Variants in PCDHA5 observed in about 807,000 individuals in gnomAD.
PCDHA5 encodes protocadherin alpha 5.
A neutral mutation model predicts 61.6 loss-of-function variants in PCDHA5; 43 were observed. The observed-to-expected ratio is 0.70, with a 90% CI of 0.55 to 0.90. The LOEUF is 0.90. PCDHA5 is among the 40% of genes least tolerant of loss of function. PCDHA5 has a pLI of 0.00. For missense variants in PCDHA5, 1,298 were observed against 1,222.7 expected, an observed-to-expected ratio of 1.06 and a Z score of -0.92; for synonymous variants, 627 against 543.9, an observed-to-expected ratio of 1.15 and a Z score of -2.13.
At chr5:140,864,895 G>T (rs1212830646) in intron 1 of PCDHA5, 1 of 152,160 alleles carries the variant, frequency 6.6e-6, no homozygotes, top group African/African-American at 2.4e-5. Context: ...AAGCTGCATG[G>T]TCTTCAGAAT....
chr5:140,875,738 G>T lies in PCDHA5; in HGVS notation c.2352+51611G>T, dbSNP rs1197047985. 12 of 1,614,086 alleles carry T rather than the reference G, an allele frequency of 7.4e-6. No homozygotes were observed. The highest frequency in any genetic ancestry group is 3.3e-5 in the Admixed American group (2 of 60,008). ...AATGGCATTTTGTTTGTGAATTCTC[G>T]GATCGACCGCGAGAAGCTGTGCGGG... On this transcript the variant is annotated intron_variant, in intron 1 of 3. Coordinates refer to ENST00000529859, the MANE Select transcript of PCDHA5 (RefSeq NM_018908.3).
At chr5:140,851,405 GAAAGAAA>G in intron 1 of PCDHA5, 2 of 966,032 alleles carry the variant, frequency 2.1e-6, no homozygotes, top group Non-Finnish European at 2.5e-6. Context: ...ATTTTAATAA[GAAAGAAA>G]CTTCCCCTAA....
Position 140,823,280 on chromosome 5 carries a change from C to T in PCDHA5, c.1505C>T (p.Pro502Leu), listed in dbSNP as rs150026852. ...SLVERRVGER[P>L]LSSYVSVHAE... ...GTGGAGCGGCGGGTGGGCGAGCGCCCGCTGTCGAGTTACGTTTCGGTGCAC... is the reference window on the plus strand; with the variant it reads ...GTGGAGCGGCGGGTGGGCGAGCGCCTGCTGTCGAGTTACGTTTCGGTGCAC... The change falls in exon 1 of 4, where the codon CCG becomes CTG. Residue 502 changes from proline to leucine, a missense_variant. Transcript: ENST00000529859. The T allele has an allele frequency of 6.2e-7, 1 of 1,612,450 alleles. No homozygotes were observed. The highest frequency in any genetic ancestry group is 8.5e-7 in the Non-Finnish European group (1 of 1,179,756).
rs782568001 is a variant in PCDHA5, at chr5:140,876,674, A to G, written c.2352+52547A>G. The G allele has an allele frequency of 5.0e-6, 8 of 1,614,142 alleles. No homozygotes were observed. The South Asian group carries it at 7.7e-5, about 16-fold the overall frequency. On this transcript the variant is annotated intron_variant, in intron 1 of 3. Transcript: ENST00000529859. ...GTTCCCTTCAAGCTGGTGTCCACCTACAAGAATTACTACTCGTTGGTGCTG... is the reference window on the plus strand; with the variant it reads ...GTTCCCTTCAAGCTGGTGTCCACCTGCAAGAATTACTACTCGTTGGTGCTG...
At chr5:140,919,926 T>C (rs1040693581) in intron 1 of PCDHA5, among the ~76,000 whole-genome samples, 18 of 152,088 alleles carry the variant, frequency 1.2e-4, no homozygotes, top group African/African-American at 4.1e-4. Flanking sequence ...AATTTTCAGG[T>C]GGGGGCTAAT....
intron 1 of PCDHA5, chr5:140,829,830 T>G (rs1562311801): frequency 6.2e-7 from 1 of 1,613,772 alleles, no homozygotes; most frequent in East Asian, 2.2e-5. Context: ...GTGAGCGAGC[T>G]GGTGCCGCGG....
chr5:140,854,041 AG>A (rs2042955652), intron 1 of PCDHA5: 1 of 283,480 alleles, frequency 3.5e-6, no homozygotes, highest in Non-Finnish European at 5.5e-6. Flanking sequence ...ACACATCTCT[AG>A]TCCCAATTAC....
At chr5:140,867,070 CA>C (rs1214152735) in intron 1 of PCDHA5, 1 of 152,124 alleles carries the variant, frequency 6.6e-6, no homozygotes, top group Non-Finnish European at 1.5e-5. Flanking sequence ...TATATATTCA[CA>C]AAATACTGTA....
intron 1 of PCDHA5, among the ~76,000 whole-genome samples, chr5:140,937,911 CA>C (rs200797202): frequency 0.5 from 59,181 of 117,836 alleles, 12,230 homozygotes; most frequent in African/African-American, 0.63. Flanking sequence ...GACTCCGTCT[CA>C]AAAAAAAAAA....
At chr5:141,007,426 G>A (rs1255100179) in intron 3 of PCDHA5, among the ~76,000 whole-genome samples, 4 of 151,118 alleles carry the variant, frequency 2.6e-5, no homozygotes, top group Non-Finnish European at 5.9e-5. Flanking sequence ...AAATTAGCCA[G>A]GCATGGTGGC....
At chr5:140,920,842 A>G (rs1377558160) in intron 1 of PCDHA5, among the ~76,000 whole-genome samples, 1 of 127,576 alleles carries the variant, frequency 7.8e-6, no homozygotes, top group Non-Finnish European at 1.7e-5. Flanking sequence ...GACCAAATCT[A>G]AAAAAAAAAA....
chr5:140,877,240 G>T, intron 1 of PCDHA5: 1 of 1,613,736 alleles, frequency 6.2e-7, no homozygotes, highest in Non-Finnish European at 8.5e-7. Flanking sequence ...TGCGGGCCAC[G>T]TGGTGGCGAA....
At chr5:140,830,327 GGGAGCT>G (rs1183196628) in intron 1 of PCDHA5, 2 of 1,613,914 alleles carry the variant, frequency 1.2e-6, no homozygotes, top group Non-Finnish European at 1.7e-6. Flanking sequence ...CAGCGCAGTG[GGGAGCT>G]GGTCGTACTC....
chr5:140,961,343 T>C (rs2095605708), intron 1 of PCDHA5, among the ~76,000 whole-genome samples: 1 of 152,210 alleles, frequency 6.6e-6, no homozygotes, highest in South Asian at 2.1e-4. Flanking sequence ...CAAGAGTGGA[T>C]CCCTGTAGTC....
intron 3 of PCDHA5, among the ~76,000 whole-genome samples, chr5:140,985,770 C>T (rs1456292041): frequency 1.5e-5 from 2 of 132,222 alleles, no homozygotes; most frequent in African/African-American, 2.8e-5. Flanking sequence ...GAGACAGTCT[C>T]GCTCTGTCGC....
chr5:140,982,427 G>C, intron 2 of PCDHA5, 48 bp from the exon 3 acceptor site: 1 of 1,612,412 alleles, frequency 6.2e-7, no homozygotes, highest in Non-Finnish European at 8.5e-7. Context: ...GAAGAGATGG[G>C]AAAGAATTTA....
intron 1 of PCDHA5, chr5:140,860,230 A>G (rs1282358261): frequency 6.6e-6 from 1 of 151,076 alleles, no homozygotes; most frequent in Non-Finnish European, 1.5e-5. Context: ...TATATAAGCC[A>G]GGCATGGTGG....
chr5:140,877,323 C>T (rs782217893), intron 1 of PCDHA5: 2 of 1,613,988 alleles, frequency 1.2e-6, no homozygotes, highest in East Asian at 2.2e-5. Context: ...CGGCGGTCGG[C>T]GCGCACATCC....
intron 1 of PCDHA5, among the ~76,000 whole-genome samples, chr5:140,941,227 CTT>C (rs797022976): frequency 1.5e-5 from 2 of 136,000 alleles, no homozygotes; most frequent in Admixed American, 7.7e-5. Context: ...TTCTTTCTTT[CTT>C]TCTTTCTTTC....
Sources: allele counts gnomAD v4.1 joint callset (sites outside exome capture counted in the v4.1 genomes callset), GRCh38; gene constraint gnomAD v4.1.1; transcripts MANE v1.5; gene names NCBI Gene and HGNC (gene_info 2026-07-23, HGNC 2026-07-21).